Variants in FAM169A observed in about 807,000 individuals in gnomAD.
FAM169A encodes soluble lamin-associated protein of 75 kDa.
A neutral mutation model predicts 75.7 loss-of-function variants in FAM169A; 24 were observed. That is an observed-to-expected ratio of 0.32 (90% CI 0.23 to 0.45). The LOEUF is 0.45. FAM169A is among the 20% of genes least tolerant of loss of function. The pLI is 1.00. For synonymous variants in FAM169A, 271 were observed against 271.0 expected (o/e 1.00, Z 0.00); for missense variants, 673 against 784.0 (o/e 0.86, Z 1.69).
At chr5:74,818,287 A>C (rs1747572708) in intron 5 of FAM169A, among the ~76,000 whole-genome samples, 1 of 152,154 alleles carries the variant, frequency 6.6e-6, no homozygotes, top group East Asian at 1.9e-4. Flanking sequence ...ACACATATGA[A>C]GGGCTCTTAC....
At chr5:74,839,256 T>C (rs751999842) in intron 3 of FAM169A, among the ~76,000 whole-genome samples, 32 of 152,146 alleles carry the variant, frequency 2.1e-4, no homozygotes, top group Non-Finnish European at 4.4e-4. Context: ...CCCACCCAAA[T>C]CTCATCTTGA....
intron 1 of FAM169A, among the ~76,000 whole-genome samples, chr5:74,846,147 CATTT>C (rs1749145461): frequency 6.6e-6 from 1 of 152,144 alleles, no homozygotes; most frequent in South Asian, 2.1e-4. Context: ...AGCACTAAGA[CATTT>C]ATTATACCAT....
At chr5:74,840,196 A>G in intron 2 of FAM169A, 23 bp from the exon 3 acceptor site, 1 of 1,106,516 alleles carries the variant, frequency 9.0e-7, no homozygotes, top group Non-Finnish European at 1.3e-6. Flanking sequence ...ATTAATAAAG[A>G]TTAGTGAACA....
intron 11 of FAM169A, among the ~76,000 whole-genome samples, chr5:74,788,075 G>C (rs1307977351): frequency 6.6e-6 from 1 of 152,126 alleles, no homozygotes; most frequent in Non-Finnish European, 1.5e-5. Flanking sequence ...CTGGGGAAAG[G>C]GAAATGATCA....
At chr5:74,793,035 G>A (rs754534449) in intron 11 of FAM169A, among the ~76,000 whole-genome samples, 1 of 152,154 alleles carries the variant, frequency 6.6e-6, no homozygotes, top group East Asian at 1.9e-4. Context: ...AAGAAAATGT[G>A]GTATATATAG....
chr5:74,866,033 G>A (rs1750321114), intron 1 of FAM169A, 132 bp downstream of exon 1: 2 of 305,646 alleles, frequency 6.5e-6, no homozygotes, highest in South Asian at 1.3e-4. Flanking sequence ...CAGCCCGCAG[G>A]GGCCGCCCAC....
chr5:74,844,781 C>T (rs1400819600), intron 1 of FAM169A, among the ~76,000 whole-genome samples: 1 of 152,154 alleles, frequency 6.6e-6, no homozygotes, highest in African/African-American at 2.4e-5. Context: ...CGCACCACTG[C>T]ACTCCAGCCT....
chr5:74,847,758 A>C (rs1749231534), intron 1 of FAM169A, among the ~76,000 whole-genome samples: 1 of 152,244 alleles, frequency 6.6e-6, no homozygotes, highest in Non-Finnish European at 1.5e-5. Context: ...GTGTGAAAAC[A>C]GAAATTAGTG....
intron 11 of FAM169A, among the ~76,000 whole-genome samples, chr5:74,788,476 C>T (rs1171517353): frequency 5.9e-5 from 9 of 152,104 alleles, no homozygotes; most frequent in African/African-American, 1.7e-4. Flanking sequence ...GAGGCCAAGG[C>T]GGGCGTATCA....
chr5:74,791,518 T>C (rs1045737220), intron 11 of FAM169A, among the ~76,000 whole-genome samples: 25 of 152,208 alleles, frequency 1.6e-4, no homozygotes, highest in African/African-American at 6.0e-4. Context: ...GGGCTCCTCC[T>C]ACCTTTAAGT....
chr5:74,840,099 G>T lies in FAM169A; in HGVS notation c.207C>A (p.Leu69=). The T allele has an allele frequency of 1.3e-6, 2 of 1,594,054 alleles. No individual in the cohort carries two copies. The highest frequency in any genetic ancestry group is 8.6e-7 in the Non-Finnish European group (1 of 1,169,424). The change falls in exon 3 of 13, where the codon CTC becomes CTA. Residue 69 remains leucine, a synonymous_variant. Coordinates refer to ENST00000687041, the MANE Select transcript of FAM169A (RefSeq NM_001376049.1). ...CTGTCAGTGAATCTTCAGGTGCAAAGAGAGCAAGAATTTTCTGGGTCTGAT... is the reference window on the plus strand; with the variant it reads ...CTGTCAGTGAATCTTCAGGTGCAAATAGAGCAAGAATTTTCTGGGTCTGAT... The part of the protein sequence containing the change: ...GGDQTQKILA[L]FAPEDSLTAV...
At chr5:74,800,608 T>G (rs75405069) in intron 10 of FAM169A, among the ~76,000 whole-genome samples, 7,052 of 152,164 alleles carry the variant, frequency 0.046, 325 homozygotes, top group African/African-American at 0.12. Context: ...GATAAACAAC[T>G]AATAATCTTG....
intron 8 of FAM169A, among the ~76,000 whole-genome samples, chr5:74,803,180 C>T (rs1161221451): frequency 6.6e-6 from 1 of 152,084 alleles, no homozygotes; most frequent in African/African-American, 2.4e-5. Context: ...TCAAATGACA[C>T]ATCTAAAATT....
chr5:74,820,845 C>T (rs1747732319), intron 5 of FAM169A, among the ~76,000 whole-genome samples: 1 of 152,194 alleles, frequency 6.6e-6, no homozygotes, highest in Non-Finnish European at 1.5e-5. Flanking sequence ...CCTAAAAAAC[C>T]TTTCAGGATA....
At chr5:74,844,595 G>A (rs1410865054) in intron 1 of FAM169A, among the ~76,000 whole-genome samples, 1 of 152,176 alleles carries the variant, frequency 6.6e-6, no homozygotes, top group African/African-American at 2.4e-5. Context: ...TGAGGCAGGC[G>A]GATCACAAGG....
chr5:74,799,821 C>G, intron 10 of FAM169A: 4 of 1,073,362 alleles, frequency 3.7e-6, no homozygotes, highest in Admixed American at 1.7e-5. Context: ...CTACGATGAC[C>G]GTGGCTGCCT....
intron 4 of FAM169A, among the ~76,000 whole-genome samples, chr5:74,837,973 CG>C (rs1748655793): frequency 6.6e-6 from 1 of 151,470 alleles, no homozygotes; most frequent in Non-Finnish European, 1.5e-5. Context: ...CAAAATTAGC[CG>C]GGCATGGTGG....
At chr5:74,823,649 C>A (rs987533211) in intron 5 of FAM169A, among the ~76,000 whole-genome samples, 1 of 152,110 alleles carries the variant, frequency 6.6e-6, no homozygotes, top group Non-Finnish European at 1.5e-5. Context: ...TAAACAGAAC[C>A]CTTATTGGCA....
At chr5:74,788,096 GGAC>G (rs1209695817) in intron 11 of FAM169A, among the ~76,000 whole-genome samples, 1 of 152,108 alleles carries the variant, frequency 6.6e-6, no homozygotes, top group African/African-American at 2.4e-5. Flanking sequence ...GACATTTCAG[GGAC>G]TACTGGACAC....
Sources: allele counts gnomAD v4.1 joint callset (sites outside exome capture counted in the v4.1 genomes callset), GRCh38; gene constraint gnomAD v4.1.1; transcripts MANE v1.5; gene names NCBI Gene and HGNC (gene_info 2026-07-23, HGNC 2026-07-21).